The following SEMA3D variants were observed in gnomAD, a reference collection of about 807,000 sequenced individuals.
SEMA3D encodes the protein semaphorin-3D.
In SEMA3D, 84 loss-of-function variants were observed where a neutral mutation model predicts 100.1. That is an observed-to-expected ratio of 0.84 (90% confidence interval 0.70 to 1.01). The LOEUF is 1.01. Ranked by LOEUF, SEMA3D falls within the 50% of genes least tolerant of loss-of-function variation. The probability of loss-of-function intolerance (pLI) is 0.00; values close to 1 mark genes in which losing one functional copy is unlikely to be tolerated. For missense variants in SEMA3D, 875 were observed against 934.1 expected, an observed-to-expected ratio of 0.94 and a Z score of 0.82; for synonymous variants, 312 against 320.7, an observed-to-expected ratio of 0.97 and a Z score of 0.29.
chr7:85,017,149 A>G (rs1284195829), intron 15 of SEMA3D, among the ~76,000 whole-genome samples: 2 of 151,612 alleles, frequency 1.3e-5, no homozygotes, highest in East Asian at 3.9e-4. Context: ...TCTGGTTGGC[A>G]TATACTCCTC....
chr7:85,052,375 A>G (rs1791190908), intron 9 of SEMA3D, among the ~76,000 whole-genome samples: 1 of 151,958 alleles, frequency 6.6e-6, no homozygotes, highest in South Asian at 2.1e-4. Flanking sequence ...TTACCACTCT[A>G]ATCTCAAAAG....
intron 4 of SEMA3D, among the ~76,000 whole-genome samples, chr7:85,096,656 A>G (rs1372144677): frequency 6.6e-6 from 1 of 151,930 alleles, no homozygotes; most frequent in Non-Finnish European, 1.5e-5. Flanking sequence ...TTAAAAGTTA[A>G]TTGACTAAAA....
chr7:85,191,615 GTACTC>G (rs1562850884), upstream of SEMA3D, among the ~76,000 whole-genome samples: 1 of 152,042 alleles, frequency 6.6e-6, no homozygotes, highest in Non-Finnish European at 1.5e-5. Flanking sequence ...TTAATCAACA[GTACTC>G]TATTATTTCC....
chr7:85,236,796 A>G, the SEMA3D span, among the ~76,000 whole-genome samples: 1 of 152,178 alleles, frequency 6.6e-6, no homozygotes, highest in South Asian at 2.1e-4. Context: ...TTCTAATTTG[A>G]ATTAAGCCAG....
chr7:85,102,727 T>A (rs1329873728), intron 3 of SEMA3D, among the ~76,000 whole-genome samples: 2 of 152,040 alleles, frequency 1.3e-5, no homozygotes, highest in African/African-American at 4.8e-5. Context: ...ACATGGTGAA[T>A]CCCTGAATTA....
At chr7:85,150,539 AAT>A (rs967166450) in intron 2 of SEMA3D, among the ~76,000 whole-genome samples, 2 of 147,398 alleles carry the variant, frequency 1.4e-5, no homozygotes, top group African/African-American at 2.5e-5. Flanking sequence ...ATATATATAG[AAT>A]ATATATATAT....
At chr7:85,114,242 AAG>A (rs1789174880) in intron 3 of SEMA3D, among the ~76,000 whole-genome samples, 1 of 152,188 alleles carries the variant, frequency 6.6e-6, no homozygotes, top group South Asian at 2.1e-4. Context: ...AATTCAGGAA[AAG>A]AGTTTTAAAA....
rs1484205843 is a variant in SEMA3D, at chr7:85,042,185, T to C, written c.962A>G (p.Tyr321Cys). Reference protein sequence around the residue: ...SIPGSDGADTYFDELQDIYLL... With the variant: ...SIPGSDGADTCFDELQDIYLL... The stretch of plus-strand genomic sequence containing the variant: ...AAGGAACTTACGAAGCTCATCAAAG[T>C]AAGTATCTGCCCCATCACTTCCAGG... The change falls in exon 10 of 19, where the codon TAC becomes TGC. Residue 321 changes from tyrosine (Y) to cysteine (C), a missense_variant. Physicochemically the swap from Tyr to Cys is radical, Grantham distance 194 (BLOSUM62 -2). Coordinates refer to ENST00000284136, the MANE Select transcript of SEMA3D (RefSeq NM_001384900.1). 2 of 1,611,096 alleles carry C rather than the reference T, an allele frequency of 1.2e-6. No homozygotes were observed. Among genetic ancestry groups the C allele is most frequent in the South Asian group, 1.1e-5 (1 of 90,962 alleles).
chr7:85,107,130 G>A (rs1167736705), intron 3 of SEMA3D, among the ~76,000 whole-genome samples: 1 of 152,034 alleles, frequency 6.6e-6, no homozygotes, highest in Admixed American at 6.6e-5. Context: ...GTGTATATAT[G>A]TGTAAAACTG....
intron 2 of SEMA3D, among the ~76,000 whole-genome samples, chr7:85,125,201 T>C (rs968939592): frequency 1.2e-4 from 19 of 152,120 alleles, no homozygotes; most frequent in Non-Finnish European, 2.2e-4. Flanking sequence ...GTAACGTGAA[T>C]GTATGTTTAT....
chr7:85,138,050 T>C (rs927405959), intron 2 of SEMA3D, among the ~76,000 whole-genome samples: 1 of 152,154 alleles, frequency 6.6e-6, no homozygotes, highest in African/African-American at 2.4e-5. Flanking sequence ...TTTGGAAAGA[T>C]GCTTAGGCAC....
the SEMA3D span, among the ~76,000 whole-genome samples, chr7:85,229,889 A>C: frequency 6.6e-6 from 1 of 152,160 alleles, no homozygotes; most frequent in Non-Finnish European, 1.5e-5. Flanking sequence ...TTTTAAATGT[A>C]AGTAAGCTCC....
the SEMA3D span, among the ~76,000 whole-genome samples, chr7:85,217,955 C>T: frequency 6.6e-6 from 1 of 152,072 alleles, no homozygotes; most frequent in Non-Finnish European, 1.5e-5. Flanking sequence ...ACATTCACAG[C>T]ATTGTATGCT....
chr7:85,029,219 AG>A, intron 12 of SEMA3D: 1 of 719,882 alleles, frequency 1.4e-6, no homozygotes, highest in African/African-American at 1.7e-5. Context: ...ATCAGATTGA[AG>A]TCACCTTTGA....
At chr7:85,022,233 T>A (rs1790274673) in intron 13 of SEMA3D, among the ~76,000 whole-genome samples, 158 bp downstream of exon 13, 1 of 151,920 alleles carries the variant, frequency 6.6e-6, no homozygotes, top group Admixed American at 6.6e-5. Flanking sequence ...TTTATGATTA[T>A]CAATTAAAAG....
At chr7:85,027,934 GA>G in intron 12 of SEMA3D, 1 of 588,876 alleles carries the variant, frequency 1.7e-6, no homozygotes. Context: ...CAGGGAAACC[GA>G]ACCATGCCAA....
the SEMA3D span, among the ~76,000 whole-genome samples, chr7:85,216,356 G>GTT: frequency 8.4e-5 from 9 of 107,642 alleles, no homozygotes; most frequent in African/African-American, 2.8e-4. Context: ...AAATAAGAGT[G>GTT]TTGTGTGTGT....
chr7:85,082,460 A>G (rs1285897090), intron 4 of SEMA3D, among the ~76,000 whole-genome samples: 1 of 152,234 alleles, frequency 6.6e-6, no homozygotes, highest in African/African-American at 2.4e-5. Flanking sequence ...GCTTACAGAA[A>G]GAAATGCTCT....
the SEMA3D span, among the ~76,000 whole-genome samples, chr7:85,197,473 A>C: frequency 3.3e-3 from 480 of 146,850 alleles, no homozygotes; most frequent in East Asian, 0.016. Context: ...CACCACCCCC[A>C]CCACCCCTGC....
Sources: gnomAD v4.1 joint callset for allele counts (sites outside exome capture counted in the v4.1 genomes callset) on GRCh38, gnomAD v4.1.1 for gene constraint, MANE v1.5 for transcripts, NCBI Gene and HGNC (gene_info 2026-07-23, HGNC 2026-07-21) for gene names.